The following NKAIN2 variants were observed in gnomAD, a reference collection of about 807,000 sequenced individuals.
NKAIN2 encodes the protein sodium/potassium-transporting ATPase subunit beta-1-interacting protein 2.
Under a neutral mutation model 32.6 loss-of-function variants are expected in NKAIN2, and 14 were observed. The observed-to-expected ratio is 0.43, with a 90% CI of 0.28 to 0.67. The LOEUF is 0.67. NKAIN2 is among the 30% of genes least tolerant of loss of function. NKAIN2 has a pLI of 0.17. For synonymous variants in NKAIN2, 80 were observed against 87.2 expected (o/e 0.92, Z 0.46); for missense variants, 198 against 258.3 (o/e 0.77, Z 1.60).
At chr6:124,673,628 C>T (rs185185904) in intron 4 of NKAIN2, among the ~76,000 whole-genome samples, 8 of 152,038 alleles carry the variant, frequency 5.3e-5, no homozygotes, top group East Asian at 3.9e-4. Context: ...TTGTATTTCC[C>T]GGATGATTAG....
chr6:123,973,215 A>AT (rs1194924090), intron 1 of NKAIN2, among the ~76,000 whole-genome samples: 12 of 152,004 alleles, frequency 7.9e-5, no homozygotes, highest in Non-Finnish European at 1.8e-4. Flanking sequence ...ATTAGAATTT[A>AT]TTTTTTTCTG....
chr6:124,486,334 G>T (rs1476674588), intron 3 of NKAIN2, among the ~76,000 whole-genome samples: 1 of 152,082 alleles, frequency 6.6e-6, no homozygotes, highest in South Asian at 2.1e-4. Flanking sequence ...ATATAAATGA[G>T]AAGTACACAA....
chr6:124,380,547 A>G (rs79854502), intron 3 of NKAIN2, among the ~76,000 whole-genome samples: 6,423 of 152,228 alleles, frequency 0.042, 442 homozygotes, highest in African/African-American at 0.15. Context: ...TAAGGAGGAT[A>G]GAAAAGCAAG....
chr6:124,396,218 A>G (rs1562153881), intron 3 of NKAIN2, among the ~76,000 whole-genome samples: 1 of 152,062 alleles, frequency 6.6e-6, no homozygotes. Context: ...GTAAGATGCC[A>G]TGGGCATCGC....
intron 1 of NKAIN2, among the ~76,000 whole-genome samples, chr6:123,987,080 A>C (rs1779172344): frequency 6.6e-6 from 1 of 152,200 alleles, no homozygotes. Flanking sequence ...GAAGTTGTGA[A>C]AGTTAAATGA....
chr6:123,932,602 A>G (rs1032138894), intron 1 of NKAIN2, among the ~76,000 whole-genome samples: 4 of 151,778 alleles, frequency 2.6e-5, no homozygotes, highest in East Asian at 1.9e-4. Flanking sequence ...ATTTTTTAGT[A>G]GAGACGGGGT....
intron 2 of NKAIN2, among the ~76,000 whole-genome samples, chr6:124,333,659 CTAAATAAA>C (rs36098572): frequency 9.6e-5 from 14 of 146,416 alleles, no homozygotes; most frequent in Admixed American, 4.8e-4. Flanking sequence ...GACTCAGTCT[CTAAATAAA>C]TAAATAAATA....
At chr6:124,171,313 A>C (rs1582785562) in intron 1 of NKAIN2, among the ~76,000 whole-genome samples, 1 of 152,030 alleles carries the variant, frequency 6.6e-6, no homozygotes, top group African/African-American at 2.4e-5. Context: ...AAATTTTAGG[A>C]CCTAGAGATT....
At chr6:124,029,104 C>T (rs1179603664) in intron 1 of NKAIN2, among the ~76,000 whole-genome samples, 2 of 150,846 alleles carry the variant, frequency 1.3e-5, no homozygotes, top group East Asian at 1.9e-4. Context: ...ATAATTTGAA[C>T]GTAAGTGCTA....
chr6:124,550,552 G>T (rs1780250444), intron 3 of NKAIN2, among the ~76,000 whole-genome samples: 1 of 152,166 alleles, frequency 6.6e-6, no homozygotes, highest in Non-Finnish European at 1.5e-5. Context: ...GGCCCCTGGT[G>T]TGCTCGTTAC....
chr6:124,136,380 AC>A (rs1459067996), intron 1 of NKAIN2, among the ~76,000 whole-genome samples: 1 of 152,104 alleles, frequency 6.6e-6, no homozygotes, highest in Non-Finnish European at 1.5e-5. Flanking sequence ...AAAGTTGCCA[AC>A]AAAAAAGTCC....
intron 4 of NKAIN2, among the ~76,000 whole-genome samples, chr6:124,691,788 C>T (rs1774264953): frequency 6.6e-6 from 1 of 152,090 alleles, no homozygotes; most frequent in Non-Finnish European, 1.5e-5. Flanking sequence ...CTCTCTCACA[C>T]CACCTCCTCC....
At chr6:123,916,787 A>G (rs1775519015) in intron 1 of NKAIN2, among the ~76,000 whole-genome samples, 1 of 145,656 alleles carries the variant, frequency 6.9e-6, no homozygotes, top group Non-Finnish European at 1.5e-5. Context: ...GTATCTATGT[A>G]TCTATCTATG....
chr6:124,437,787 A>G, intron 3 of NKAIN2: 3 of 353,566 alleles, frequency 8.5e-6, no homozygotes, highest in Non-Finnish European at 1.6e-5. Flanking sequence ...ATGATGCTTG[A>G]CTTGGGTTTT....
intron 3 of NKAIN2, among the ~76,000 whole-genome samples, chr6:124,496,894 G>A (rs1260067286): frequency 6.6e-6 from 1 of 152,124 alleles, no homozygotes; most frequent in African/African-American, 2.4e-5. Flanking sequence ...ATGGAAATGA[G>A]ATGACAGATC....
chr6:124,032,324 T>C (rs1781441901), intron 1 of NKAIN2, among the ~76,000 whole-genome samples: 1 of 151,080 alleles, frequency 6.6e-6, no homozygotes, highest in Non-Finnish European at 1.5e-5. Flanking sequence ...GACGAGTTAA[T>C]GGGTGCAGCA....
chr6:124,818,266 G>A (rs556072742), intron 5 of NKAIN2, 121 bp from the exon 6 acceptor site: 7 of 444,066 alleles, frequency 1.6e-5, no homozygotes, highest in African/African-American at 1.2e-4. Context: ...TTCACAATTA[G>A]TTACTTTTAG....
rs1798831357 is a variant in NKAIN2 at position 124,353,618 on chromosome 6, A to G, written c.193-1649A>G. On this transcript the variant is annotated intron_variant, in intron 2 of 6. Coordinates refer to ENST00000368417, the MANE Select transcript of NKAIN2 (RefSeq NM_001040214.3). ...AAATACAAAAAAATTAGCCGGGCAT[A>G]GTGGCAGGCGCCTGTAGTCCCAGCT... Among the ~76,000 whole-genome samples, 6 of 151,992 alleles carry G rather than the reference A, an allele frequency of 3.9e-5. No individual in the cohort carries two copies. In the South Asian group the frequency reaches 1.2e-3, roughly 32 times the overall value.
At chr6:123,919,288 C>T (rs994678569) in intron 1 of NKAIN2, among the ~76,000 whole-genome samples, 10 of 151,784 alleles carry the variant, frequency 6.6e-5, no homozygotes, top group Non-Finnish European at 1.2e-4. Context: ...TGTTTGTGTA[C>T]GTAAGATTTG....
Sources: gnomAD v4.1 joint callset for allele counts (sites outside exome capture counted in the v4.1 genomes callset) on GRCh38, gnomAD v4.1.1 for gene constraint, MANE v1.5 for transcripts, NCBI Gene and HGNC (gene_info 2026-07-23, HGNC 2026-07-21) for gene names.